The following ELMO1 variants were observed in gnomAD, a reference collection of about 807,000 sequenced individuals.
ELMO1 encodes engulfment and cell motility 1.
A neutral mutation model predicts 98.9 loss-of-function variants in ELMO1; 26 were observed. The ratio of observed to expected loss-of-function variants is 0.26; its 90% confidence interval spans 0.19 to 0.36. The LOEUF is 0.36. Ranked by LOEUF, ELMO1 falls within the 10% of genes least tolerant of loss-of-function variation. The probability of loss-of-function intolerance (pLI) is 1.00; values close to 1 mark genes in which losing one functional copy is unlikely to be tolerated. For missense variants in ELMO1, 627 were observed against 935.2 expected (o/e 0.67, Z 4.30); for synonymous variants, 346 against 346.0 (o/e 1.00, Z 0.00).
chr7:37,276,878 T>G (rs1796865085), intron 4 of ELMO1, among the ~76,000 whole-genome samples: 1 of 152,184 alleles, frequency 6.6e-6, no homozygotes, highest in Non-Finnish European at 1.5e-5. Context: ...TTTTATCCTA[T>G]TCAGTCCTCA....
chr7:37,328,088 C>T (rs11973351), intron 2 of ELMO1, among the ~76,000 whole-genome samples: 22,790 of 151,992 alleles, frequency 0.15, 1,916 homozygotes, highest in East Asian at 0.35. Flanking sequence ...ATTCTTAAAA[C>T]GTTACGTAAT....
At chr7:37,420,543 A>G (rs1804429820) in intron 1 of ELMO1, among the ~76,000 whole-genome samples, 1 of 151,954 alleles carries the variant, frequency 6.6e-6, no homozygotes, top group Non-Finnish European at 1.5e-5. Flanking sequence ...TTCCACAAGC[A>G]CAGAGCTAAA....
At chr7:37,143,301 T>C (rs1787758348) in intron 13 of ELMO1, among the ~76,000 whole-genome samples, 1 of 152,256 alleles carries the variant, frequency 6.6e-6, no homozygotes, top group Admixed American at 6.5e-5. Flanking sequence ...TTTAACCAGG[T>C]TGATCAACAA....
At chr7:37,133,411 C>A (rs1453371945) in intron 13 of ELMO1, among the ~76,000 whole-genome samples, 177 bp from the exon 14 acceptor site, 1 of 152,160 alleles carries the variant, frequency 6.6e-6, no homozygotes, top group Non-Finnish European at 1.5e-5. Context: ...GGACTTCTTT[C>A]TACTGCTCCT....
intron 14 of ELMO1, among the ~76,000 whole-genome samples, chr7:37,102,451 A>T (rs181897828): frequency 1.3e-5 from 2 of 152,228 alleles, no homozygotes; most frequent in Non-Finnish European, 2.9e-5. Flanking sequence ...GCACACAAAC[A>T]AAATGGAACA....
intron 16 of ELMO1, among the ~76,000 whole-genome samples, chr7:36,972,583 C>G (rs188522015): frequency 8.9e-4 from 135 of 152,274 alleles, no homozygotes; most frequent in Non-Finnish European, 1.4e-3. Context: ...CCCTGTGTCT[C>G]TTTACATCAT....
At chr7:37,011,319 T>A (rs1391696157) in intron 16 of ELMO1, among the ~76,000 whole-genome samples, 1 of 152,112 alleles carries the variant, frequency 6.6e-6, no homozygotes, top group African/African-American at 2.4e-5. Flanking sequence ...ACCCTAGAGC[T>A]ATGGTCACCT....
chr7:37,122,223 A>C (rs865778707), intron 14 of ELMO1, among the ~76,000 whole-genome samples: 1 of 152,374 alleles, frequency 6.6e-6, no homozygotes, highest in South Asian at 2.1e-4. Context: ...AAGAAACTGC[A>C]TCAACTAACG....
intron 16 of ELMO1, among the ~76,000 whole-genome samples, chr7:36,989,268 C>T (rs1254151471): frequency 6.6e-6 from 1 of 152,094 alleles, no homozygotes; most frequent in African/African-American, 2.4e-5. Flanking sequence ...GAAATAACAA[C>T]AACAACAAAA....
chr7:37,075,953 T>C (rs949859333), intron 15 of ELMO1, among the ~76,000 whole-genome samples: 2 of 152,204 alleles, frequency 1.3e-5, no homozygotes, highest in Admixed American at 6.5e-5. Context: ...CAAGGTGAAT[T>C]GCCTTATAAT....
chr7:37,134,558 CAAAAA>C (rs370768267), intron 13 of ELMO1, among the ~76,000 whole-genome samples: 1 of 89,240 alleles, frequency 1.1e-5, no homozygotes, highest in African/African-American at 3.4e-5. Context: ...GACTCCATCT[CAAAAA>C]AAAAAAAAAA....
At chr7:37,147,980 A>C (rs1480988637) in intron 13 of ELMO1, among the ~76,000 whole-genome samples, 1 of 152,202 alleles carries the variant, frequency 6.6e-6, no homozygotes, top group Non-Finnish European at 1.5e-5. Flanking sequence ...TATTGACAGT[A>C]TTCTGTGCCA....
chr7:36,883,839 G>T (rs1198565522), intron 18 of ELMO1, among the ~76,000 whole-genome samples: 2 of 152,174 alleles, frequency 1.3e-5, no homozygotes, highest in Non-Finnish European at 1.5e-5. Context: ...CCCTAACACA[G>T]ACATCTTCTG....
Position 37,276,598 on chromosome 7 carries a change from G to A in ELMO1, c.193-4716C>T, listed in dbSNP as rs149031393. On this transcript the variant is annotated intron_variant, in intron 4 of 21. Coordinates refer to ENST00000310758, the MANE Select transcript of ELMO1 (RefSeq NM_014800.11). The stretch of plus-strand genomic sequence containing the variant: ...TGCACTCCAGCCTGGGTGACGGAGC[G>A]AGACTCCGTCTCAAAAAATAAAATA... 5.7e-4 allele frequency among the ~76,000 whole-genome samples: 87 copies of A among 152,304 alleles called. No individual in the cohort carries two copies. The Middle Eastern group carries it at 0.01, about 18-fold the overall frequency.
chr7:37,367,574 A>G (rs1801953382), intron 1 of ELMO1, among the ~76,000 whole-genome samples: 1 of 152,232 alleles, frequency 6.6e-6, no homozygotes, highest in African/African-American at 2.4e-5. Context: ...TACAGGTACA[A>G]TTCACTAAGT....
intron 1 of ELMO1, among the ~76,000 whole-genome samples, chr7:37,435,813 G>C (rs1417001229): frequency 6.6e-6 from 1 of 152,160 alleles, no homozygotes; most frequent in Admixed American, 6.5e-5. Context: ...TCTATTACAC[G>C]CTCTTCTCTC....
intron 16 of ELMO1, among the ~76,000 whole-genome samples, chr7:36,922,347 CAAAAAAAAA>C (rs750588423): frequency 2.3e-5 from 2 of 85,564 alleles, no homozygotes; most frequent in Non-Finnish European, 4.9e-5. Flanking sequence ...CACAGACTTG[CAAAAAAAAA>C]AAAAAAAAAA....
At chr7:37,115,021 A>T (rs980838101) in intron 14 of ELMO1, among the ~76,000 whole-genome samples, 2 of 152,194 alleles carry the variant, frequency 1.3e-5, no homozygotes, top group African/African-American at 4.8e-5. Context: ...CAATTCCTTG[A>T]AAGACACAAT....
intron 15 of ELMO1, among the ~76,000 whole-genome samples, chr7:37,051,592 T>G (rs1454839102): frequency 1.3e-5 from 2 of 152,034 alleles, no homozygotes; most frequent in African/African-American, 2.4e-5. Context: ...TTTTTTTTTT[T>G]GTCTCTCTTT....
Sources: allele counts gnomAD v4.1 joint callset (sites outside exome capture counted in the v4.1 genomes callset), GRCh38; gene constraint gnomAD v4.1.1; transcripts MANE v1.5; gene names NCBI Gene and HGNC (gene_info 2026-07-23, HGNC 2026-07-21).